Variants in PTK2 observed in about 807,000 individuals in gnomAD.
The protein encoded by PTK2 is protein tyrosine kinase 2.
In PTK2, 45 loss-of-function variants were observed where a neutral mutation model predicts 150.1. The observed-to-expected ratio is 0.30, with a 90% CI of 0.24 to 0.38. The LOEUF (loss-of-function observed/expected upper bound fraction) is 0.38. Among genes scored for constraint, PTK2 ranks in the 10% least tolerant of loss-of-function variants. The pLI is 1.00. For synonymous variants in PTK2, 432 were observed against 449.2 expected, an observed-to-expected ratio of 0.96 and a Z score of 0.48; for missense variants, 919 against 1,307.3, an observed-to-expected ratio of 0.70 and a Z score of 4.58.
intron 1 of PTK2, among the ~76,000 whole-genome samples, chr8:140,942,647 C>CGT (rs2100176260): frequency 1.7e-5 from 1 of 58,504 alleles, no homozygotes; most frequent in Non-Finnish European, 6.7e-5. Context: ...TGTGTGTGTG[C>CGT]GCGCATATAT....
At chr8:140,734,276 C>T (rs2100051247) in intron 22 of PTK2, among the ~76,000 whole-genome samples, 1 of 152,230 alleles carries the variant, frequency 6.6e-6, no homozygotes, top group African/African-American at 2.4e-5. Flanking sequence ...ACACAGCACA[C>T]ACTGAACCAT....
At chr8:140,903,896 C>A (rs768922165) in intron 2 of PTK2, among the ~76,000 whole-genome samples, 6 of 152,146 alleles carry the variant, frequency 3.9e-5, no homozygotes, top group Non-Finnish European at 8.8e-5. Context: ...AGATTTTGGG[C>A]TAAGATGATG....
rs550451952 is a variant in PTK2, at chr8:140,853,084, G to C, written c.451-6406C>G. Among the ~76,000 whole-genome samples, 5 of 152,190 alleles carry C rather than the reference G, an allele frequency of 3.3e-5. No individual in the cohort carries two copies. The South Asian group carries it at 8.3e-4, about 25-fold the overall frequency. ...TCTGGAAAGTGAATAAATGAGGTCA[G>C]TCACGTAGGCGTTGTATGCCTATGA... On this transcript the variant is annotated intron_variant, in intron 5 of 31. Coordinates refer to ENST00000522684, the Ensembl canonical transcript of PTK2.
At position 140,969,370 on chromosome 8, in the gene PTK2, C is replaced by A. The variant is rs572040398; in HGVS notation, c.-122+31755G>T. ...TTAAAACAGCTATTATACAAATAAT[C>A]CTATAAACAAGCACACACACAATAT... On this transcript the variant is annotated intron_variant, in intron 1 of 31. Coordinates refer to ENST00000522684, the Ensembl canonical transcript of PTK2. Among the ~76,000 whole-genome samples, 216 of 152,280 alleles carry A rather than the reference C, an allele frequency of 1.4e-3. 1 individual carries two copies. The highest frequency in any genetic ancestry group is 5.1e-3 in the African/African-American group (210 of 41,560).
intron 29 of PTK2, chr8:140,672,140 G>T (rs994990816): frequency 2.2e-6 from 1 of 453,634 alleles, no homozygotes; most frequent in Non-Finnish European, 4.4e-6. Context: ...AAGCCATTTT[G>T]AAAGTCTGTT....
chr8:140,836,609 A>T (rs1380709968), intron 7 of PTK2, among the ~76,000 whole-genome samples: 1 of 152,222 alleles, frequency 6.6e-6, no homozygotes, highest in Non-Finnish European at 1.5e-5. Context: ...TAGCTAAAGG[A>T]TGCAATTGAC....
At chr8:140,855,748 G>A (rs2100132180) in intron 5 of PTK2, among the ~76,000 whole-genome samples, 1 of 152,188 alleles carries the variant, frequency 6.6e-6, no homozygotes, top group African/African-American at 2.4e-5. Flanking sequence ...GAGACAGAAA[G>A]TAGAATGGTG....
chr8:140,827,548 G>A (rs1041637420), intron 8 of PTK2, among the ~76,000 whole-genome samples: 2 of 152,150 alleles, frequency 1.3e-5, no homozygotes, highest in Non-Finnish European at 2.9e-5. Context: ...TTTTTAGGGG[G>A]GTGGGGATGG....
chr8:140,962,883 C>G (rs923442811), intron 1 of PTK2, among the ~76,000 whole-genome samples: 2 of 151,816 alleles, frequency 1.3e-5, no homozygotes, highest in Admixed American at 1.3e-4. Context: ...TCCCCCCCCC[C>G]AACCCAACCT....
At chr8:140,744,920 A>T in intron 18 of PTK2, 153 bp from the exon 22 acceptor site, 1 of 433,750 alleles carries the variant, frequency 2.3e-6, no homozygotes, top group East Asian at 3.3e-5. Context: ...CTAATAAAGC[A>T]TAATAAATGA....
At chr8:140,841,413 T>A (rs1279879653) in intron 7 of PTK2, among the ~76,000 whole-genome samples, 1 of 152,154 alleles carries the variant, frequency 6.6e-6, no homozygotes, top group Non-Finnish European at 1.5e-5. Context: ...GAGCATAATG[T>A]CATTAAGCCA....
chr8:140,770,391 A>C (rs1450434507), intron 14 of PTK2, among the ~76,000 whole-genome samples: 1 of 152,186 alleles, frequency 6.6e-6, no homozygotes, highest in Non-Finnish European at 1.5e-5. Context: ...ATGATGCAAA[A>C]AGTGTGATCC....
exon 32 of PTK2, chr8:140,658,705 C>A (rs2075592905): frequency 4.6e-6 from 1 of 217,346 alleles, no homozygotes; most frequent in Admixed American, 5.8e-5. Flanking sequence ...GGAACTTCTC[C>A]TCAATGCAGT....
intron 14 of PTK2, among the ~76,000 whole-genome samples, chr8:140,766,947 A>C (rs1341647143): frequency 6.6e-6 from 1 of 152,206 alleles, no homozygotes; most frequent in African/African-American, 2.4e-5. Flanking sequence ...CACATAACAG[A>C]TCATCAAGCA....
At chr8:140,790,896 T>C (rs1466724195) in intron 13 of PTK2, among the ~76,000 whole-genome samples, 3 of 152,206 alleles carry the variant, frequency 2.0e-5, no homozygotes, top group African/African-American at 7.2e-5. Context: ...AATTACATCA[T>C]TTCCTTCCCT....
rs564541254 is a variant in PTK2, at chr8:140,685,249, C to T, written c.2562+1383G>A. Among the ~76,000 whole-genome samples the T allele has an allele frequency of 6.6e-5, 10 of 152,172 alleles. No homozygotes were observed. The South Asian group carries it at 1.5e-3, about 22-fold the overall frequency. On this transcript the variant is annotated intron_variant, in intron 27 of 31. Transcript: ENST00000522684. The stretch of plus-strand genomic sequence containing the variant: ...ACCATATACAAAAATCAACTCAAGA[C>T]GGATTAAAGACGTAAATGTAAAACC...
chr8:140,935,888 C>G (rs2100173457), intron 1 of PTK2, among the ~76,000 whole-genome samples: 1 of 151,770 alleles, frequency 6.6e-6, no homozygotes, highest in Non-Finnish European at 1.5e-5. Flanking sequence ...ACCTTGTGAT[C>G]CACCCGCCTC....
At chr8:140,802,369 G>C (rs2100095612) in intron 11 of PTK2, among the ~76,000 whole-genome samples, 1 of 151,754 alleles carries the variant, frequency 6.6e-6, no homozygotes, top group African/African-American at 2.4e-5. Context: ...TACAGAATAA[G>C]TATGTAAAAA....
chr8:140,889,160 C>T (rs1485227477), intron 3 of PTK2, among the ~76,000 whole-genome samples: 1 of 152,002 alleles, frequency 6.6e-6, no homozygotes, highest in African/African-American at 2.4e-5. Context: ...GAATAGTTTG[C>T]TAATATTAAA....
Sources: allele counts gnomAD v4.1 joint callset (sites outside exome capture counted in the v4.1 genomes callset), GRCh38; gene constraint gnomAD v4.1.1; transcripts MANE v1.5; gene names NCBI Gene and HGNC (gene_info 2026-07-23, HGNC 2026-07-21).